AFG2A: variants seen among roughly 807,000 people sequenced by gnomAD.
AFG2A encodes the protein ATPase family gene 2 protein homolog A.
At chr4:123,195,973 C>A in the AFG2A span, among the ~76,000 whole-genome samples, 2 of 149,988 alleles carry the variant, frequency 1.3e-5, no homozygotes, top group South Asian at 4.2e-4. Context: ...TCCTTCCATT[C>A]ATTTCCTCAT....
At chr4:123,019,284 A>T in the AFG2A span, among the ~76,000 whole-genome samples, 2 of 149,140 alleles carry the variant, frequency 1.3e-5, no homozygotes, top group Admixed American at 1.3e-4. Flanking sequence ...ACCCAAGACC[A>T]TTTTTTTTTT....
the AFG2A span, among the ~76,000 whole-genome samples, chr4:123,019,650 T>G: frequency 6.6e-6 from 1 of 152,214 alleles, no homozygotes; most frequent in Non-Finnish European, 1.5e-5. Context: ...ATTTGAGAAT[T>G]ATAAAGCTGT....
chr4:123,209,586 ATTTTT>A, the AFG2A span, among the ~76,000 whole-genome samples: 1,938 of 116,262 alleles, frequency 0.017, 41 homozygotes, highest in South Asian at 0.12. Context: ...TGCATCAAGA[ATTTTT>A]TTTTTTTTTT....
At chr4:123,069,006 C>T in the AFG2A span, among the ~76,000 whole-genome samples, 4 of 152,226 alleles carry the variant, frequency 2.6e-5, no homozygotes, top group East Asian at 1.9e-4. Flanking sequence ...AGTGCTAAGC[C>T]GTGCTAAAAA....
the AFG2A span, among the ~76,000 whole-genome samples, chr4:122,962,373 T>G: frequency 6.6e-6 from 1 of 152,176 alleles, no homozygotes; most frequent in Admixed American, 6.5e-5. Flanking sequence ...TTTATAATTC[T>G]AAAATGTAGT....
At chr4:123,040,873 A>G in the AFG2A span, among the ~76,000 whole-genome samples, 2 of 152,136 alleles carry the variant, frequency 1.3e-5, no homozygotes, top group African/African-American at 4.8e-5. Context: ...TTGTGGAAAC[A>G]TGATTGCTTA....
chr4:123,058,943 A>C, the AFG2A span, among the ~76,000 whole-genome samples: 1 of 152,154 alleles, frequency 6.6e-6, no homozygotes, highest in Admixed American at 6.5e-5. Flanking sequence ...ATCTGAGACA[A>C]GTCAAGTCCC....
the AFG2A span, among the ~76,000 whole-genome samples, chr4:122,967,488 T>C: frequency 6.6e-6 from 1 of 152,338 alleles, no homozygotes; most frequent in South Asian, 2.1e-4. Flanking sequence ...CTGCCTTTCA[T>C]ACCAACCATA....
At chr4:123,026,410 T>A in the AFG2A span, among the ~76,000 whole-genome samples, 3 of 150,606 alleles carry the variant, frequency 2.0e-5, no homozygotes, top group African/African-American at 4.9e-5. Context: ...CATATAGAAC[T>A]AAAAAAAAAT....
chr4:123,185,955 A>C, the AFG2A span, among the ~76,000 whole-genome samples: 1 of 152,084 alleles, frequency 6.6e-6, no homozygotes, highest in Non-Finnish European at 1.5e-5. Flanking sequence ...GAAATCTCCC[A>C]CTATGTTTCA....
chr4:122,927,864 A>G, the AFG2A span: 1 of 1,441,984 alleles, frequency 6.9e-7, no homozygotes, highest in Non-Finnish European at 9.4e-7. Context: ...GTCAAAGGAA[A>G]TGCTCATTGG....
At chr4:122,947,241 T>C in the AFG2A span, 1 of 1,586,376 alleles carries the variant, frequency 6.3e-7, no homozygotes, top group Non-Finnish European at 8.6e-7. Flanking sequence ...AGGAAGTAAG[T>C]GAAGGACAAG....
the AFG2A span, among the ~76,000 whole-genome samples, chr4:123,006,742 A>G: frequency 7.2e-5 from 11 of 152,172 alleles, no homozygotes; most frequent in South Asian, 8.3e-4. Flanking sequence ...ACTGTTTTCA[A>G]TGTTTCCTTT....
At chr4:122,958,954 T>G in the AFG2A span, among the ~76,000 whole-genome samples, 1 of 152,176 alleles carries the variant, frequency 6.6e-6, no homozygotes, top group Non-Finnish European at 1.5e-5. Flanking sequence ...GATTCGCTGA[T>G]TTAGGCAAGT....
At chr4:122,925,102 G>A in the AFG2A span, among the ~76,000 whole-genome samples, 3 of 151,974 alleles carry the variant, frequency 2.0e-5, no homozygotes, top group Admixed American at 1.3e-4. Flanking sequence ...AGTTTTTCCC[G>A]CTGCAAAATT....
At chr4:123,004,995 C>T in the AFG2A span, among the ~76,000 whole-genome samples, 16 of 152,014 alleles carry the variant, frequency 1.1e-4, no homozygotes, top group Non-Finnish European at 2.2e-4. Context: ...AATTTATGGC[C>T]AAAGAGTCAT....
chr4:123,193,344 CCT>C, the AFG2A span, among the ~76,000 whole-genome samples: 2 of 152,270 alleles, frequency 1.3e-5, no homozygotes, highest in South Asian at 2.1e-4. Flanking sequence ...TCTTAAAGTT[CCT>C]CTGTTTTCTG....
chr4:123,104,046 C>T, the AFG2A span, among the ~76,000 whole-genome samples: 1 of 152,068 alleles, frequency 6.6e-6, no homozygotes, highest in Admixed American at 6.6e-5. Flanking sequence ...GATTACAGGA[C>T]TGCATATACA....
the AFG2A span, among the ~76,000 whole-genome samples, chr4:123,132,780 C>CTT: frequency 0.01 from 1,296 of 129,190 alleles, 35 homozygotes; most frequent in African/African-American, 0.035. Flanking sequence ...GATTTCAATC[C>CTT]TTTTTTTTTT....
Sources: gnomAD v4.1 joint callset for allele counts (sites outside exome capture counted in the v4.1 genomes callset) on GRCh38, gnomAD v4.1.1 for gene constraint, MANE v1.5 for transcripts, NCBI Gene and HGNC (gene_info 2026-07-23, HGNC 2026-07-21) for gene names.